Variants in TENM3 observed in about 807,000 individuals in gnomAD.
TENM3 encodes the protein teneurin-3.
A neutral mutation model predicts 255.1 loss-of-function variants in TENM3; 63 were observed. The ratio of observed to expected loss-of-function variants is 0.25; its 90% CI spans 0.20 to 0.30. The LOEUF (loss-of-function observed/expected upper bound fraction) is 0.30, where lower values mean the gene tolerates loss of function less well. Among genes scored for constraint, TENM3 ranks in the 10% least tolerant of loss-of-function variants. The pLI, the probability that TENM3 is intolerant of heterozygous loss-of-function variation, is 1.00. For synonymous variants in TENM3, 1,306 were observed against 1,322.3 expected (o/e 0.99, Z 0.27); for missense variants, 2,929 against 3,461.1 (o/e 0.85, Z 3.86).
At chr4:181,557,048 C>T in the TENM3 span, among the ~76,000 whole-genome samples, 1 of 152,100 alleles carries the variant, frequency 6.6e-6, no homozygotes, top group Non-Finnish European at 1.5e-5. Context: ...GTTAAAAAGT[C>T]CACATTCTGG....
At chr4:182,660,267 A>G (rs1173662509) in intron 6 of TENM3, among the ~76,000 whole-genome samples, 1 of 152,210 alleles carries the variant, frequency 6.6e-6, no homozygotes, top group South Asian at 2.1e-4. Flanking sequence ...TATCAGTTGA[A>G]TGAATGAGTG....
chr4:181,667,021 C>T, the TENM3 span, among the ~76,000 whole-genome samples: 23 of 152,310 alleles, frequency 1.5e-4, no homozygotes, highest in East Asian at 2.7e-3. Flanking sequence ...TTGACAAATG[C>T]TAACATTGTT....
chr4:182,146,932 A>G (rs1750011177), intron 1 of TENM3, among the ~76,000 whole-genome samples: 1 of 152,124 alleles, frequency 6.6e-6, no homozygotes. Context: ...TTTTCTTACT[A>G]TGATTCTGTA....
intron 12 of TENM3, chr4:182,697,938 T>C (rs1250899962): frequency 6.6e-6 from 1 of 152,238 alleles, no homozygotes; most frequent in Non-Finnish European, 1.5e-5. Flanking sequence ...TTTATTTTGA[T>C]GTTGTAATCT....
chr4:182,465,625 T>TC (rs762837444), intron 3 of TENM3, among the ~76,000 whole-genome samples: 32 of 152,108 alleles, frequency 2.1e-4, no homozygotes, highest in Non-Finnish European at 4.3e-4. Flanking sequence ...ATTAGAATAC[T>TC]CCCCCCAGCT....
At chr4:182,288,977 C>A (rs772417628) in intron 1 of TENM3, among the ~76,000 whole-genome samples, 5 of 152,128 alleles carry the variant, frequency 3.3e-5, no homozygotes, top group African/African-American at 1.2e-4. Context: ...GTAATCCCAG[C>A]ACTTTGGGAG....
chr4:181,698,175 C>G, the TENM3 span, among the ~76,000 whole-genome samples: 1 of 148,588 alleles, frequency 6.7e-6, no homozygotes, highest in African/African-American at 2.5e-5. Flanking sequence ...GATCACGCCA[C>G]TGCACTCCAG....
the TENM3 span, among the ~76,000 whole-genome samples, chr4:182,033,337 A>G: frequency 6.6e-6 from 1 of 152,142 alleles, no homozygotes; most frequent in African/African-American, 2.4e-5. Context: ...TTCACTTTCC[A>G]TATAGTTGTG....
chr4:182,573,474 C>G (rs1744607687), intron 3 of TENM3, among the ~76,000 whole-genome samples: 1 of 152,196 alleles, frequency 6.6e-6, no homozygotes, highest in Middle Eastern at 3.4e-3. Flanking sequence ...GAGCATCACA[C>G]TATTATAGTG....
intron 6 of TENM3, among the ~76,000 whole-genome samples, chr4:182,659,553 C>T (rs942579937): frequency 1.2e-4 from 19 of 152,094 alleles, no homozygotes; most frequent in African/African-American, 2.9e-4. Context: ...GAAATGGCAC[C>T]GTCGTTCACT....
At chr4:182,273,343 G>C (rs939924234) in intron 1 of TENM3, among the ~76,000 whole-genome samples, 1 of 152,176 alleles carries the variant, frequency 6.6e-6, no homozygotes, top group Non-Finnish European at 1.5e-5. Context: ...CAGAGTTCAC[G>C]TTCTTAGACC....
At chr4:182,271,957 GC>G (rs1459205636) in intron 1 of TENM3, among the ~76,000 whole-genome samples, 7 of 152,188 alleles carry the variant, frequency 4.6e-5, no homozygotes, top group Non-Finnish European at 4.4e-5. Flanking sequence ...CGGCAGCTCT[GC>G]CCTTGCGCAG....
At chr4:182,280,874 A>T (rs1760336013) in intron 1 of TENM3, among the ~76,000 whole-genome samples, 1 of 152,232 alleles carries the variant, frequency 6.6e-6, no homozygotes, top group Admixed American at 6.5e-5. Context: ...TTTGCCAAGT[A>T]GCCTCTAAGT....
chr4:182,720,600 A>G (rs2152691968), intron 13 of TENM3, among the ~76,000 whole-genome samples: 1 of 152,264 alleles, frequency 6.6e-6, no homozygotes, highest in East Asian at 1.9e-4. Flanking sequence ...AGGATAGTGA[A>G]TCCCATTCTG....
the TENM3 span, among the ~76,000 whole-genome samples, chr4:181,466,783 TG>T: frequency 6.6e-6 from 1 of 152,034 alleles, no homozygotes; most frequent in East Asian, 1.9e-4. Context: ...TGTGAAATAT[TG>T]CCCCTAAGCA....
At chr4:182,402,082 G>A (rs543346664) in intron 3 of TENM3, among the ~76,000 whole-genome samples, 2 of 152,166 alleles carry the variant, frequency 1.3e-5, no homozygotes, top group African/African-American at 2.4e-5. Flanking sequence ...AGCGTGAAAC[G>A]GTTCTTACTC....
chr4:181,680,137 G>T, the TENM3 span, among the ~76,000 whole-genome samples: 1 of 152,014 alleles, frequency 6.6e-6, no homozygotes, highest in East Asian at 1.9e-4. Context: ...ATTCGTGAAG[G>T]TAAACCCTTT....
chr4:181,567,746 A>G, the TENM3 span, among the ~76,000 whole-genome samples: 1 of 152,300 alleles, frequency 6.6e-6, no homozygotes, highest in East Asian at 1.9e-4. Flanking sequence ...AAGGAAACTG[A>G]TATGTTGTGT....
chr4:182,151,769 T>G (rs1750376932), intron 1 of TENM3, among the ~76,000 whole-genome samples: 1 of 152,052 alleles, frequency 6.6e-6, no homozygotes, highest in Non-Finnish European at 1.5e-5. Flanking sequence ...TATTTAAAAC[T>G]TTAAAATTTT....
Sources: gnomAD v4.1 joint callset for allele counts (sites outside exome capture counted in the v4.1 genomes callset) on GRCh38, gnomAD v4.1.1 for gene constraint, MANE v1.5 for transcripts, NCBI Gene and HGNC (gene_info 2026-07-23, HGNC 2026-07-21) for gene names.